The following FAM135B variants were observed in gnomAD, a reference collection of about 807,000 sequenced individuals.
The protein encoded by FAM135B is protein FAM135B.
Under a neutral mutation model 127.7 loss-of-function variants are expected in FAM135B, and 43 were observed. The ratio of observed to expected loss-of-function variants is 0.34; its 90% CI spans 0.26 to 0.43. FAM135B has a LOEUF of 0.43. Among genes scored for constraint, FAM135B ranks in the 20% least tolerant of loss-of-function variants. The pLI, the probability that FAM135B is intolerant of heterozygous loss-of-function variation, is 1.00. For missense variants in FAM135B, 1,558 were observed against 1,725.6 expected (o/e 0.90, Z 1.72); for synonymous variants, 670 against 665.1 (o/e 1.01, Z -0.11).
chr8:138,403,329 C>A (rs1833256994), intron 1 of FAM135B, among the ~76,000 whole-genome samples: 1 of 152,016 alleles, frequency 6.6e-6, no homozygotes, highest in Non-Finnish European at 1.5e-5. Flanking sequence ...AGAGAACCAG[C>A]CCTGCAGGTA....
At chr8:138,476,136 T>C (rs1014157152) in intron 1 of FAM135B, among the ~76,000 whole-genome samples, 1 of 152,206 alleles carries the variant, frequency 6.6e-6, no homozygotes, top group African/African-American at 2.4e-5. Context: ...TGTATGATTC[T>C]AACTATATAA....
chr8:138,393,861 G>C (rs1035752770), intron 1 of FAM135B, among the ~76,000 whole-genome samples: 3 of 152,168 alleles, frequency 2.0e-5, no homozygotes, highest in Admixed American at 6.5e-5. Context: ...TCTGATCGAG[G>C]ATTTGTAACA....
At chr8:138,360,269 T>G (rs1830339294) in intron 2 of FAM135B, among the ~76,000 whole-genome samples, 1 of 152,208 alleles carries the variant, frequency 6.6e-6, no homozygotes, top group African/African-American at 2.4e-5. Context: ...AGGTTCATGC[T>G]CTTGTAAATA....
chr8:138,218,540 T>C (rs11785153), intron 7 of FAM135B, among the ~76,000 whole-genome samples: 108,050 of 152,072 alleles, frequency 0.71, 38,496 homozygotes, highest in Middle Eastern at 0.8. Flanking sequence ...GTTTGCTCCT[T>C]TACAGAGTGG....
chr8:138,189,029 GT>G (rs1238127631), intron 9 of FAM135B, among the ~76,000 whole-genome samples: 2 of 152,172 alleles, frequency 1.3e-5, no homozygotes, highest in East Asian at 3.9e-4. Flanking sequence ...CTGCTTGAAT[GT>G]TGCCTTATTC....
intron 9 of FAM135B, among the ~76,000 whole-genome samples, chr8:138,182,318 G>A (rs1241098030): frequency 2.0e-5 from 3 of 152,228 alleles, no homozygotes; most frequent in African/African-American, 4.8e-5. Context: ...CAGATGGCGA[G>A]CTTGGAAGGG....
chr8:138,204,412 A>G (rs911604410), intron 7 of FAM135B, among the ~76,000 whole-genome samples: 1 of 152,080 alleles, frequency 6.6e-6, no homozygotes, highest in African/African-American at 2.4e-5. Context: ...GTAAAAAGAC[A>G]TTTTTACTTT....
At chr8:138,375,280 T>C (rs889243766) in intron 1 of FAM135B, among the ~76,000 whole-genome samples, 4 of 152,224 alleles carry the variant, frequency 2.6e-5, no homozygotes, top group African/African-American at 9.7e-5. Flanking sequence ...AAATTCCTTT[T>C]CTTTTAGAGC....
chr8:138,487,962 C>T (rs565446233), intron 1 of FAM135B, among the ~76,000 whole-genome samples: 1 of 152,120 alleles, frequency 6.6e-6, no homozygotes, highest in Admixed American at 6.5e-5. Flanking sequence ...TGAGATCGCA[C>T]CACTGCACTC....
At position 138,425,996 on chromosome 8, in the gene FAM135B, T is replaced by TATATATATATAC. The variant is rs1834833722; in HGVS notation, c.-19-57995_-19-57994insGTATATATATAT. Among the ~76,000 whole-genome samples, 18 of 16,306 alleles carry TATATATATATAC rather than the reference T, an allele frequency of 1.1e-3. No individual in the cohort carries two copies. In the African/African-American group the frequency reaches 0.011, roughly 10 times the overall value. The allele number at this position is 16,306 out of a possible 152,430, so 10.7% of individuals were successfully genotyped here. The stretch of plus-strand genomic sequence containing the variant: ...ATATATATATATATATATATATATA[T>TATATATATATAC]ATATATATATATATATACACACACA... On this transcript the variant is annotated intron_variant, in intron 1 of 19. Coordinates refer to ENST00000395297, the MANE Select transcript of FAM135B (RefSeq NM_015912.4).
chr8:138,133,484 T>C (rs1259159881), intron 19 of FAM135B, among the ~76,000 whole-genome samples: 1 of 152,218 alleles, frequency 6.6e-6, no homozygotes. Flanking sequence ...TCTTCTTTTC[T>C]GAAAAACTGT....
intron 1 of FAM135B, among the ~76,000 whole-genome samples, chr8:138,411,153 T>G (rs1000077235): frequency 1.3e-5 from 2 of 151,048 alleles, no homozygotes; most frequent in Non-Finnish European, 2.9e-5. Context: ...AAAGTTCATA[T>G]GGAACCAAAA....
chr8:138,163,891 C>A lies in FAM135B; in HGVS notation c.1258+4004G>T, dbSNP rs570204187. On this transcript the variant is annotated intron_variant, in intron 12 of 19. Coordinates refer to ENST00000395297, the MANE Select transcript of FAM135B (RefSeq NM_015912.4). ...GGCTGGAGTTCAGTGACAGGAGGCA[C>A]GGTCACAGCTCACTGTAGCCTCAAA... Among the ~76,000 whole-genome samples the A allele has an allele frequency of 1.7e-4, 26 of 152,248 alleles. No individual in the cohort carries two copies. In the South Asian group the frequency reaches 3.1e-3, roughly 18 times the overall value.
At chr8:138,340,868 CT>C (rs2131057148) in intron 2 of FAM135B, among the ~76,000 whole-genome samples, 1 of 152,308 alleles carries the variant, frequency 6.6e-6, no homozygotes, top group Non-Finnish European at 1.5e-5. Flanking sequence ...CCTTCTTTCT[CT>C]TGGGACTCTC....
intron 14 of FAM135B, among the ~76,000 whole-genome samples, chr8:138,147,669 T>C (rs1178107494): frequency 6.6e-6 from 1 of 152,354 alleles, no homozygotes; most frequent in South Asian, 2.1e-4. Context: ...GTGGTTTTCA[T>C]GACTTGTTGC....
At chr8:138,207,890 T>G (rs1300034666) in intron 7 of FAM135B, among the ~76,000 whole-genome samples, 1 of 152,202 alleles carries the variant, frequency 6.6e-6, no homozygotes, top group African/African-American at 2.4e-5. Flanking sequence ...CTGATAGCAC[T>G]GCCATACCAG....
chr8:138,195,360 C>A (rs776088968), intron 8 of FAM135B, 53 bp from the exon 9 acceptor site: 11 of 1,563,156 alleles, frequency 7.0e-6, no homozygotes, highest in Non-Finnish European at 9.7e-6. Flanking sequence ...TGAAATGCAG[C>A]AGTTGCTAAT....
At chr8:138,202,897 A>G (rs942843081) in intron 7 of FAM135B, among the ~76,000 whole-genome samples, 1 of 152,128 alleles carries the variant, frequency 6.6e-6, no homozygotes, top group African/African-American at 2.4e-5. Context: ...GTTTGGTTTG[A>G]AGGCAGAATC....
At chr8:138,239,447 T>C (rs571578075) in intron 7 of FAM135B, among the ~76,000 whole-genome samples, 5 of 152,386 alleles carry the variant, frequency 3.3e-5, no homozygotes, top group African/African-American at 1.2e-4. Flanking sequence ...TTGTAGATTC[T>C]GGATTTTAGC....
Sources: gnomAD v4.1 joint callset for allele counts (sites outside exome capture counted in the v4.1 genomes callset) on GRCh38, gnomAD v4.1.1 for gene constraint, MANE v1.5 for transcripts, NCBI Gene and HGNC (gene_info 2026-07-23, HGNC 2026-07-21) for gene names.